The following SUGCT variants were observed in gnomAD, a reference collection of about 807,000 sequenced individuals.
SUGCT encodes the protein succinyl-CoA:glutarate CoA-transferase.
In SUGCT, 41 loss-of-function variants were observed where a neutral mutation model predicts 55.0. The observed-to-expected ratio is 0.74, with a 90% CI of 0.58 to 0.97. The LOEUF (loss-of-function observed/expected upper bound fraction) is 0.97. Among genes scored for constraint, SUGCT ranks in the 50% least tolerant of loss-of-function variants. SUGCT has a pLI of 0.00. For synonymous variants in SUGCT, 187 were observed against 200.4 expected, an observed-to-expected ratio of 0.93 and a Z score of 0.56; for missense variants, 568 against 547.8, an observed-to-expected ratio of 1.04 and a Z score of -0.37.
At chr7:40,464,326 G>A (rs1161586942) in intron 11 of SUGCT, among the ~76,000 whole-genome samples, 3 of 152,170 alleles carry the variant, frequency 2.0e-5, no homozygotes, top group Non-Finnish European at 4.4e-5. Context: ...TAAGTAGAGT[G>A]TGGGAATTAC....
rs374225857 is a variant in SUGCT, at chr7:40,247,379, C to G, written c.576+9653C>G. On this transcript the variant is annotated intron_variant, in intron 7 of 13. Transcript: ENST00000335693. ...CAAGCAATTCTCCTGCCTTAGCCTC[C>G]TGAGTAGCTGGGATCACAGGCACCC... is the stretch of plus-strand genomic sequence containing the variant. 6.4e-4 allele frequency among the ~76,000 whole-genome samples: 97 copies of G among 152,218 alleles called. 2 individuals carry two copies. The South Asian group carries it at 0.02, about 31-fold the overall frequency.
At chr7:40,681,979 T>C (rs946245900) in intron 12 of SUGCT, among the ~76,000 whole-genome samples, 7 of 152,140 alleles carry the variant, frequency 4.6e-5, no homozygotes, top group Non-Finnish European at 5.9e-5. Flanking sequence ...CAGGGGTGCA[T>C]GTGAAGATAT....
intron 6 of SUGCT, among the ~76,000 whole-genome samples, chr7:40,197,092 C>A (rs992874562): frequency 1.3e-5 from 2 of 152,282 alleles, no homozygotes; most frequent in South Asian, 2.1e-4. Context: ...ACATCAGCCT[C>A]CCAAAGTGTT....
chr7:40,549,565 G>T (rs988115787), intron 12 of SUGCT, among the ~76,000 whole-genome samples: 6 of 152,164 alleles, frequency 3.9e-5, no homozygotes, highest in Non-Finnish European at 8.8e-5. Flanking sequence ...CAGTGGTGAT[G>T]CAGTCAGACA....
At chr7:40,641,996 C>CA (rs1800291319) in intron 12 of SUGCT, among the ~76,000 whole-genome samples, 1 of 152,194 alleles carries the variant, frequency 6.6e-6, no homozygotes, top group Admixed American at 6.5e-5. Context: ...AGAGGTCACT[C>CA]TGTAATGTAG....
intron 12 of SUGCT, among the ~76,000 whole-genome samples, chr7:40,746,969 G>T (rs2128709553): frequency 6.6e-6 from 1 of 152,300 alleles, no homozygotes; most frequent in Middle Eastern, 3.4e-3. Flanking sequence ...GTGAAATTTA[G>T]CTCGGTATTT....
chr7:40,750,763 T>A (rs1298164519), intron 13 of SUGCT, among the ~76,000 whole-genome samples: 3 of 152,164 alleles, frequency 2.0e-5, no homozygotes, highest in African/African-American at 7.2e-5. Flanking sequence ...AGAGCAGGTA[T>A]AAGCAAATGA....
intron 11 of SUGCT, among the ~76,000 whole-genome samples, chr7:40,483,937 G>A (rs1583801013): frequency 6.6e-6 from 1 of 152,190 alleles, no homozygotes; most frequent in Admixed American, 6.5e-5. Flanking sequence ...AATGTGTCTA[G>A]TTTCTGACTG....
intron 9 of SUGCT, among the ~76,000 whole-genome samples, chr7:40,354,756 G>A (rs529579757): frequency 6.6e-6 from 1 of 152,194 alleles, no homozygotes; most frequent in Non-Finnish European, 1.5e-5. Context: ...GAATAATGAG[G>A]AGTATAGGAA....
At chr7:40,898,471 C>G in the SUGCT span, among the ~76,000 whole-genome samples, 1 of 5,880 alleles carries the variant, frequency 1.7e-4, no homozygotes, top group Admixed American at 2.2e-3. Flanking sequence ...TCCCAGCACT[C>G]CGGGAGGTCG....
rs150030214 is a variant in SUGCT at position 40,492,624 on chromosome 7, T to C, written c.987-3660T>C. Among the ~76,000 whole-genome samples the C allele has an allele frequency of 3.2e-3, 490 of 152,346 alleles. 2 individuals carry two copies. The highest frequency in any genetic ancestry group is 4.9e-3 in the Non-Finnish European group (332 of 68,026). On this transcript the variant is annotated intron_variant, in intron 11 of 13. Transcript: ENST00000335693. ...GGGAGATTTCAGATTCTTTCCAAGT[T>C]AGATCTTTGTATATATTGCTCTCTC...
At chr7:40,461,368 A>G (rs1258469684) in intron 11 of SUGCT, among the ~76,000 whole-genome samples, 2 of 152,146 alleles carry the variant, frequency 1.3e-5, no homozygotes, top group African/African-American at 4.8e-5. Context: ...GGTGTCTTCC[A>G]TAATCTGACA....
At chr7:40,842,261 C>T (rs535505204) in intron 13 of SUGCT, among the ~76,000 whole-genome samples, 10 of 151,976 alleles carry the variant, frequency 6.6e-5, no homozygotes, top group African/African-American at 2.4e-4. Context: ...AAATTACAGT[C>T]TCATAGAAAT....
intron 13 of SUGCT, among the ~76,000 whole-genome samples, chr7:40,751,758 G>A (rs912883110): frequency 6.6e-6 from 1 of 152,164 alleles, no homozygotes; most frequent in African/African-American, 2.4e-5. Flanking sequence ...TCATACAGGG[G>A]TTGGTATCCC....
chr7:40,643,720 T>G (rs2151828319), intron 12 of SUGCT, among the ~76,000 whole-genome samples: 1 of 152,332 alleles, frequency 6.6e-6, no homozygotes, highest in Admixed American at 6.5e-5. Flanking sequence ...GCTAATTTTC[T>G]TCCTTTCCAG....
chr7:40,361,744 G>C (rs1231161603), intron 9 of SUGCT, among the ~76,000 whole-genome samples: 6 of 152,230 alleles, frequency 3.9e-5, no homozygotes, highest in Middle Eastern at 3.4e-3. Context: ...GGTAACTGGA[G>C]ATACAGACTT....
intron 12 of SUGCT, among the ~76,000 whole-genome samples, chr7:40,570,962 C>T (rs572829269): frequency 1.4e-5 from 2 of 143,940 alleles, no homozygotes; most frequent in East Asian, 2.1e-4. Context: ...TGGATTCAAG[C>T]GATTCTCCTG....
intron 8 of SUGCT, among the ~76,000 whole-genome samples, chr7:40,314,537 ACTC>A (rs1286616723): frequency 6.7e-6 from 1 of 149,306 alleles, no homozygotes; most frequent in Non-Finnish European, 1.5e-5. Flanking sequence ...AAGGGAAATA[ACTC>A]CTATTGCATC....
chr7:40,418,608 G>A (rs1046749028), intron 9 of SUGCT, among the ~76,000 whole-genome samples: 55 of 152,154 alleles, frequency 3.6e-4, no homozygotes, highest in African/African-American at 1.3e-3. Flanking sequence ...AGGTCCCTCT[G>A]TCTTAGCCCC....
Sources: allele counts gnomAD v4.1 joint callset (sites outside exome capture counted in the v4.1 genomes callset), GRCh38; gene constraint gnomAD v4.1.1; transcripts MANE v1.5; gene names NCBI Gene and HGNC (gene_info 2026-07-23, HGNC 2026-07-21).